KCNIP4: variants seen among roughly 807,000 people sequenced by gnomAD.
The protein encoded by KCNIP4 is potassium voltage-gated channel interacting protein 4.
In KCNIP4, 12 loss-of-function variants were observed where a neutral mutation model predicts 34.0. That is an observed-to-expected ratio of 0.35 (90% CI 0.23 to 0.57). The LOEUF (loss-of-function observed/expected upper bound fraction) is 0.57. KCNIP4 is among the 20% of genes least tolerant of loss of function. KCNIP4 has a pLI of 0.83. For missense variants in KCNIP4, 238 were observed against 311.7 expected (o/e 0.76, Z 1.78); for synonymous variants, 124 against 102.2 (o/e 1.21, Z -1.29).
At chr4:20,778,571 A>G (rs1422163975) in intron 3 of KCNIP4, among the ~76,000 whole-genome samples, 1 of 152,216 alleles carries the variant, frequency 6.6e-6, no homozygotes, top group African/African-American at 2.4e-5. Flanking sequence ...TTACAAGATG[A>G]TACTACTGGG....
intron 1 of KCNIP4, among the ~76,000 whole-genome samples, chr4:20,915,907 C>A (rs1257654381): frequency 6.6e-6 from 1 of 152,042 alleles, no homozygotes; most frequent in African/African-American, 2.4e-5. Flanking sequence ...AAAACAAAAA[C>A]AAACAAACAA....
intron 1 of KCNIP4, among the ~76,000 whole-genome samples, chr4:21,501,248 TC>T (rs1733313209): frequency 9.6e-5 from 10 of 104,190 alleles, no homozygotes; most frequent in Non-Finnish European, 1.9e-4. Flanking sequence ...TCTCTCTCTC[TC>T]ACACACACAC....
At chr4:20,732,808 G>T (rs771055362) in intron 6 of KCNIP4, 23 bp from the exon 7 acceptor site, 3 of 1,371,528 alleles carry the variant, frequency 2.2e-6, no homozygotes, top group South Asian at 2.3e-5. Context: ...AGGCACTCAC[G>T]TGAGGCTGCA....
At chr4:21,122,678 C>G (rs1426650137) in intron 1 of KCNIP4, among the ~76,000 whole-genome samples, 1 of 152,062 alleles carries the variant, frequency 6.6e-6, no homozygotes, top group Non-Finnish European at 1.5e-5. Flanking sequence ...TCAAACAAAG[C>G]AGATGTCGAG....
chr4:21,549,847 G>A (rs1452345507), intron 1 of KCNIP4, among the ~76,000 whole-genome samples: 1 of 152,052 alleles, frequency 6.6e-6, no homozygotes, highest in East Asian at 1.9e-4. Flanking sequence ...TACATGGGTA[G>A]TATATCCTAT....
intron 5 of KCNIP4, among the ~76,000 whole-genome samples, chr4:20,737,191 T>A (rs916512216): frequency 5.3e-5 from 8 of 152,152 alleles, no homozygotes; most frequent in Non-Finnish European, 2.9e-5. Flanking sequence ...TTCCAATATT[T>A]GGCAGGTACA....
intron 1 of KCNIP4, among the ~76,000 whole-genome samples, chr4:21,131,060 A>G (rs1751031464): frequency 1.3e-5 from 2 of 152,196 alleles, no homozygotes; most frequent in Non-Finnish European, 2.9e-5. Context: ...ATTTTAGGTC[A>G]GGGAACGTAT....
intron 1 of KCNIP4, among the ~76,000 whole-genome samples, chr4:21,139,303 T>A (rs139640347): frequency 1.3e-5 from 2 of 152,128 alleles, no homozygotes; most frequent in African/African-American, 4.8e-5. Flanking sequence ...AAGACAAAAA[T>A]AGAAACGTAA....
chr4:21,661,774 T>G (rs2108991110), intron 1 of KCNIP4, among the ~76,000 whole-genome samples: 1 of 152,238 alleles, frequency 6.6e-6, no homozygotes, highest in African/African-American at 2.4e-5. Flanking sequence ...ATCCCTTCAC[T>G]TTTTAACTGG....
intron 3 of KCNIP4, among the ~76,000 whole-genome samples, chr4:20,845,856 G>A (rs1720302828): frequency 6.6e-6 from 1 of 152,148 alleles, no homozygotes; most frequent in East Asian, 1.9e-4. Context: ...AACCACAGGA[G>A]CTTAGAAAAG....
At chr4:21,055,898 G>A (rs1273720882) in intron 1 of KCNIP4, among the ~76,000 whole-genome samples, 1 of 152,132 alleles carries the variant, frequency 6.6e-6, no homozygotes, top group Non-Finnish European at 1.5e-5. Context: ...AAAACCCCTA[G>A]AATGTACAAT....
At chr4:21,716,220 A>G (rs889709159) in intron 1 of KCNIP4, among the ~76,000 whole-genome samples, 5 of 152,076 alleles carry the variant, frequency 3.3e-5, no homozygotes, top group African/African-American at 9.7e-5. Context: ...TGGGGCCAAC[A>G]TAATAGTCTT....
chr4:21,529,064 C>T (rs936858714), intron 1 of KCNIP4, among the ~76,000 whole-genome samples: 2 of 151,976 alleles, frequency 1.3e-5, no homozygotes, highest in Non-Finnish European at 2.9e-5. Context: ...CTGCCCAGAG[C>T]ATGAAGGAAG....
chr4:20,969,498 C>T (rs1734708225), intron 1 of KCNIP4, among the ~76,000 whole-genome samples: 1 of 152,038 alleles, frequency 6.6e-6, no homozygotes, highest in Admixed American at 6.6e-5. Context: ...CCTCACATTA[C>T]AGTGGGACAG....
intron 1 of KCNIP4, among the ~76,000 whole-genome samples, chr4:21,824,899 T>C (rs190658211): frequency 2.6e-5 from 4 of 152,114 alleles, no homozygotes; most frequent in African/African-American, 7.2e-5. Context: ...ATCTACTAGC[T>C]GACTGCTAGT....
chr4:21,436,056 A>G (rs1560403434), intron 1 of KCNIP4, among the ~76,000 whole-genome samples: 1 of 152,268 alleles, frequency 6.6e-6, no homozygotes, highest in East Asian at 1.9e-4. Context: ...CCAGAACACA[A>G]GGGAAGTCAT....
intron 1 of KCNIP4, among the ~76,000 whole-genome samples, chr4:21,252,198 G>A (rs1224535002): frequency 5.3e-5 from 8 of 149,928 alleles, no homozygotes; most frequent in Non-Finnish European, 1.2e-4. Context: ...CGCAATCTCG[G>A]CTCACTGCAA....
intron 1 of KCNIP4, among the ~76,000 whole-genome samples, chr4:21,008,970 C>G (rs541351650): frequency 2.0e-5 from 3 of 152,178 alleles, no homozygotes; most frequent in Admixed American, 6.5e-5. Context: ...CACAGGATTT[C>G]TTCTGTCTGC....
At chr4:21,919,906 A>G (rs1728843961) in intron 1 of KCNIP4, among the ~76,000 whole-genome samples, 1 of 152,196 alleles carries the variant, frequency 6.6e-6, no homozygotes, top group Non-Finnish European at 1.5e-5. Flanking sequence ...AAGTAAATCA[A>G]CCTTATAATT....
Sources: allele counts gnomAD v4.1 joint callset (sites outside exome capture counted in the v4.1 genomes callset), GRCh38; gene constraint gnomAD v4.1.1; transcripts MANE v1.5; gene names NCBI Gene and HGNC (gene_info 2026-07-23, HGNC 2026-07-21).